ADAMTS6: variants seen among roughly 807,000 people sequenced by gnomAD.
ADAMTS6 encodes the protein A disintegrin and metalloproteinase with thrombospondin motifs 6.
Under a neutral mutation model 144.3 loss-of-function variants are expected in ADAMTS6, and 23 were observed. That is an observed-to-expected ratio of 0.16 (90% CI 0.11 to 0.23). The LOEUF is 0.23. ADAMTS6 is among the 10% of genes least tolerant of loss of function. The pLI is 1.00. For synonymous variants in ADAMTS6, 444 were observed against 457.5 expected (o/e 0.97, Z 0.38); for missense variants, 999 against 1,379.6 (o/e 0.72, Z 4.37).
intron 7 of ADAMTS6, among the ~76,000 whole-genome samples, chr5:65,437,066 A>C (rs1252685679): frequency 6.6e-6 from 1 of 151,570 alleles, no homozygotes; most frequent in African/African-American, 2.4e-5. Context: ...GCAGCAGACA[A>C]GAGAAGAGAG....
chr5:65,326,677 T>C (rs554481258), intron 9 of ADAMTS6, among the ~76,000 whole-genome samples: 1 of 152,262 alleles, frequency 6.6e-6, no homozygotes, highest in East Asian at 1.9e-4. Flanking sequence ...TTAACATCCA[T>C]CTCATAAAGG....
chr5:65,296,435 C>T (rs1412223903), intron 10 of ADAMTS6, among the ~76,000 whole-genome samples: 1 of 152,144 alleles, frequency 6.6e-6, no homozygotes, highest in Admixed American at 6.5e-5. Context: ...ATGGTTTACC[C>T]TTTTCCCCCT....
At chr5:65,186,400 G>A (rs928065879) in intron 22 of ADAMTS6, among the ~76,000 whole-genome samples, 1 of 152,022 alleles carries the variant, frequency 6.6e-6, no homozygotes, top group South Asian at 2.1e-4. Flanking sequence ...CAAGCTTATG[G>A]GATTCTTTCA....
At chr5:65,219,489 A>T (rs1296053940) in intron 18 of ADAMTS6, among the ~76,000 whole-genome samples, 1 of 152,270 alleles carries the variant, frequency 6.6e-6, no homozygotes, top group Non-Finnish European at 1.5e-5. Context: ...TGAAAAGTGA[A>T]TAGATAGAAA....
At chr5:65,398,809 AAAGAAAG>A (rs1436786472) in intron 7 of ADAMTS6, among the ~76,000 whole-genome samples, 2 of 96,524 alleles carry the variant, frequency 2.1e-5, no homozygotes, top group African/African-American at 4.1e-5. Context: ...AGAAAGAAAG[AAAGAAAG>A]AAAGAAAGAA....
chr5:65,188,907 G>T (rs903116448), intron 21 of ADAMTS6, among the ~76,000 whole-genome samples: 6 of 152,156 alleles, frequency 3.9e-5, no homozygotes, highest in Non-Finnish European at 5.9e-5. Flanking sequence ...CTGAGGATTT[G>T]TTTTTCAATT....
intron 7 of ADAMTS6, among the ~76,000 whole-genome samples, chr5:65,380,896 T>G (rs1002539535): frequency 6.6e-6 from 1 of 152,226 alleles, no homozygotes; most frequent in Non-Finnish European, 1.5e-5. Flanking sequence ...TAATAATGAC[T>G]TATGACATAT....
At chr5:65,370,981 G>A (rs1254424901) in intron 7 of ADAMTS6, among the ~76,000 whole-genome samples, 2 of 152,192 alleles carry the variant, frequency 1.3e-5, no homozygotes, top group Non-Finnish European at 2.9e-5. Context: ...CCCCCGAGCA[G>A]CCTAACTGGG....
rs1366308680 is a variant in ADAMTS6 at position 65,214,872 on chromosome 5, T to G, written c.2497A>C (p.Thr833Pro). The part of the protein sequence containing the change: ...RYKFNVPITR[T>P]GSGDNEVGFT... The stretch of plus-strand genomic sequence containing the variant: ...CCAACTTCATTATCTCCACTGCCAG[T>G]TCGAGTGATGGGAACATTGAACTTA... Residue 833 changes from threonine to proline, a missense_variant, in exon 20 of 25, where the codon ACT becomes CCT. Transcript: ENST00000381055. The surrounding 1 kb of genome is among the most constrained non-coding windows in gnomAD (Gnocchi z 4.6). The G allele has an allele frequency of 1.2e-6, 2 of 1,614,172 alleles. No homozygotes were observed.
At chr5:65,186,137 G>A (rs905557973) in intron 22 of ADAMTS6, among the ~76,000 whole-genome samples, 7 of 151,858 alleles carry the variant, frequency 4.6e-5, no homozygotes, top group African/African-American at 1.7e-4. Flanking sequence ...TTTCTGTTTA[G>A]CCATTTCTCT....
chr5:65,420,404 G>T (rs181551051), intron 7 of ADAMTS6, among the ~76,000 whole-genome samples: 1 of 151,460 alleles, frequency 6.6e-6, no homozygotes, highest in Non-Finnish European at 1.5e-5. Flanking sequence ...TTTTTCAGAC[G>T]GAGTTTCACT....
At chr5:65,399,135 T>A (rs1753705814) in intron 7 of ADAMTS6, among the ~76,000 whole-genome samples, 1 of 151,856 alleles carries the variant, frequency 6.6e-6, no homozygotes, top group South Asian at 2.1e-4. Flanking sequence ...TGGGCGCCTG[T>A]AATCCCATCT....
intron 14 of ADAMTS6, among the ~76,000 whole-genome samples, chr5:65,246,263 C>G (rs916836008): frequency 2.6e-5 from 4 of 152,182 alleles, no homozygotes; most frequent in Non-Finnish European, 5.9e-5. Flanking sequence ...TGAAAGGTAT[C>G]TGGACCTTGA....
chr5:65,159,189 T>C (rs1579913761), intron 24 of ADAMTS6, among the ~76,000 whole-genome samples: 1 of 152,274 alleles, frequency 6.6e-6, no homozygotes, highest in Admixed American at 6.5e-5. Context: ...ATCCCTACAA[T>C]ATCTGCCTTA....
intron 7 of ADAMTS6, among the ~76,000 whole-genome samples, chr5:65,431,576 AC>A (rs1321388435): frequency 6.6e-6 from 1 of 152,204 alleles, no homozygotes; most frequent in Non-Finnish European, 1.5e-5. Context: ...AAACAAGGTA[AC>A]AGAGGAAATG....
At chr5:65,441,783 T>TG (rs911081442) in intron 7 of ADAMTS6, among the ~76,000 whole-genome samples, 1 of 142,178 alleles carries the variant, frequency 7.0e-6, no homozygotes, top group African/African-American at 2.6e-5. Context: ...ATTTCTGCAG[T>TG]GGGGGGGAAT....
At chr5:65,442,107 AC>A (rs1316607115) in intron 7 of ADAMTS6, among the ~76,000 whole-genome samples, 9 of 151,778 alleles carry the variant, frequency 5.9e-5, no homozygotes, top group East Asian at 1.9e-4. Context: ...AAAAAAAAAA[AC>A]GAAACCAAAT....
At chr5:65,348,358 A>G (rs1219180607) in intron 7 of ADAMTS6, among the ~76,000 whole-genome samples, 2 of 152,184 alleles carry the variant, frequency 1.3e-5, no homozygotes, top group African/African-American at 4.8e-5. Flanking sequence ...ATTTAAGACA[A>G]CATAGATGAA....
At chr5:65,465,464 A>AT (rs58939767) in intron 3 of ADAMTS6, among the ~76,000 whole-genome samples, 151,496 of 152,328 alleles carry the variant, frequency 0.99, 75,337 homozygotes, top group African/African-American at 1. Context: ...AATCATTCCC[A>AT]CTTCAAACAA....
Sources: allele counts gnomAD v4.1 joint callset (sites outside exome capture counted in the v4.1 genomes callset), GRCh38; gene constraint gnomAD v4.1.1; non-coding constraint Gnocchi (gnomAD v3.1); transcripts MANE v1.5; gene names NCBI Gene and HGNC (gene_info 2026-07-23, HGNC 2026-07-21).